ABCC1: variants seen among roughly 807,000 people sequenced by gnomAD.
The protein encoded by ABCC1 is ATP binding cassette subfamily C member 1 (ABCC1 blood group), also known as multidrug resistance-associated protein 1.
A neutral mutation model predicts 172.9 loss-of-function variants in ABCC1; 83 were observed. That is an observed-to-expected ratio of 0.48 (90% CI 0.40 to 0.58). The LOEUF is 0.58. Among genes scored for constraint, ABCC1 ranks in the 20% least tolerant of loss-of-function variants. ABCC1 has a pLI of 0.00. For synonymous variants in ABCC1, 937 were observed against 825.2 expected (o/e 1.14, Z -2.32); for missense variants, 1,817 against 2,002.7 (o/e 0.91, Z 1.77).
At chr16:16,027,156 T>C (rs141732048) in intron 5 of ABCC1, among the ~76,000 whole-genome samples, 44 of 152,230 alleles carry the variant, frequency 2.9e-4, no homozygotes, top group African/African-American at 9.6e-4. Context: ...AAGACTGTCA[T>C]TTGAGGCCTG....
chr16:16,140,297 C>G (rs2046079259), intron 30 of ABCC1, among the ~76,000 whole-genome samples: 1 of 152,076 alleles, frequency 6.6e-6, no homozygotes, highest in South Asian at 2.1e-4. Flanking sequence ...ACTCTAAGAG[C>G]CCTATAAAGC....
intron 5 of ABCC1, among the ~76,000 whole-genome samples, chr16:16,019,321 C>G (rs1056200572): frequency 5.3e-5 from 8 of 152,110 alleles, no homozygotes; most frequent in African/African-American, 1.9e-4. Flanking sequence ...CCCGGCTGGT[C>G]TCGAACTCCT....
intron 1 of ABCC1, among the ~76,000 whole-genome samples, chr16:15,984,536 A>G (rs1236745971): frequency 6.9e-6 from 1 of 145,724 alleles, no homozygotes; most frequent in East Asian, 2.0e-4. Context: ...TCCGCTTCCC[A>G]GTTTCAAGCG....
rs980483816 is a variant in ABCC1, at chr16:16,052,669, G to A, written c.1381-55G>A. 14 of 1,563,414 alleles carry A rather than the reference G, an allele frequency of 9.0e-6. No individual in the cohort carries two copies. In the African/African-American group the frequency reaches 9.5e-5, roughly 11 times the overall value. On this transcript the variant is annotated intron_variant, in intron 10 of 30. Coordinates refer to ENST00000399410, the MANE Select transcript of ABCC1 (RefSeq NM_004996.4). The stretch of plus-strand genomic sequence containing the variant: ...ATGGATCAACCGGGGAAGCTGTTAC[G>A]GGCCCTGTTTTCTTCTGTCTGGTGA...
rs185555818 is a variant in ABCC1, at chr16:16,115,971, C to T, written c.3390+895C>T. Among the ~76,000 whole-genome samples, 88 of 151,726 alleles carry T rather than the reference C, an allele frequency of 5.8e-4. No individual in the cohort carries two copies. The East Asian group carries it at 0.014, about 24-fold the overall frequency. On this transcript the variant is annotated intron_variant, in intron 23 of 30. Coordinates refer to ENST00000399410, the MANE Select transcript of ABCC1 (RefSeq NM_004996.4). ...AGGCTGGAGTGCAGTGGCGCGATCT[C>T]GGCTCACTGCAAGCTCCACCTCTCG...
chr16:16,121,163 A>G (rs2045138520), intron 23 of ABCC1, among the ~76,000 whole-genome samples: 1 of 152,104 alleles, frequency 6.6e-6, no homozygotes, highest in Non-Finnish European at 1.5e-5. Flanking sequence ...TCACCCTCAC[A>G]ATGACCCCGT....
intron 24 of ABCC1, among the ~76,000 whole-genome samples, chr16:16,123,615 G>A (rs992382116): frequency 2.0e-5 from 3 of 151,864 alleles, no homozygotes; most frequent in African/African-American, 4.8e-5. Context: ...CAACGAGAGC[G>A]AAACTCTATC....
chr16:16,005,708 A>G (rs1287304799), intron 1 of ABCC1, among the ~76,000 whole-genome samples: 15 of 152,298 alleles, frequency 9.8e-5, no homozygotes, highest in Admixed American at 6.5e-4. Flanking sequence ...TGTCATTCCA[A>G]CACTTTGGGA....
At position 16,061,772 on chromosome 16, in the gene ABCC1, CTTTTTTTTTT is replaced by C. The variant is rs201926082; in HGVS notation, c.1677+5487_1677+5496del. Among the ~76,000 whole-genome samples the C allele has an allele frequency of 5.3e-3, 611 of 116,222 alleles. 15 individuals are homozygous for C. The East Asian group carries it at 0.078, about 15-fold the overall frequency. The allele number at this position is 116,222 out of a possible 152,430, so 76.2% of individuals were successfully genotyped here. On this transcript the variant is annotated intron_variant, in intron 12 of 30. Transcript: ENST00000399410. ...AAAATGGCTTTTTTTTTCTTTTTTT[CTTTTTTTTTT>C]TTTTTTTTTGAGATGGGGTCTCACA...
intron 18 of ABCC1, among the ~76,000 whole-genome samples, chr16:16,088,520 G>C (rs781511454): frequency 3.9e-5 from 6 of 152,126 alleles, no homozygotes; most frequent in Non-Finnish European, 7.4e-5. Flanking sequence ...TCTTCTCTTA[G>C]AGAGCAAGGG....
At chr16:16,114,113 G>A (rs910271920) in intron 22 of ABCC1, among the ~76,000 whole-genome samples, 4 of 152,220 alleles carry the variant, frequency 2.6e-5, no homozygotes, top group African/African-American at 9.6e-5. Flanking sequence ...GGGATTAAGA[G>A]CAGGCTGTCT....
chr16:16,122,221 C>T (rs375050035), intron 24 of ABCC1, 47 bp downstream of exon 24: 10 of 1,594,862 alleles, frequency 6.3e-6, no homozygotes, highest in Non-Finnish European at 8.6e-6. Flanking sequence ...GCCGCCTTAG[C>T]ACCTTGTCTC....
chr16:16,061,757 T>C (rs948450934), intron 12 of ABCC1, among the ~76,000 whole-genome samples: 1 of 147,840 alleles, frequency 6.8e-6, no homozygotes, highest in East Asian at 2.0e-4. Flanking sequence ...AAAATGGCTT[T>C]TTTTTTCTTT....
chr16:16,053,888 A>G (rs1820771375), intron 11 of ABCC1, among the ~76,000 whole-genome samples: 1 of 150,952 alleles, frequency 6.6e-6, no homozygotes, highest in Non-Finnish European at 1.5e-5. Context: ...CTGCAAATAT[A>G]TAGAAGCAAA....
At chr16:16,056,408 G>C (rs1344748871) in intron 12 of ABCC1, 113 bp downstream of exon 12, 1 of 1,238,624 alleles carries the variant, frequency 8.1e-7, no homozygotes, top group African/African-American at 1.5e-5. Flanking sequence ...GCTCATGCTT[G>C]GTAATCCCAG....
At chr16:16,138,805 G>A (rs1258254939) in intron 30 of ABCC1, among the ~76,000 whole-genome samples, 1 of 151,260 alleles carries the variant, frequency 6.6e-6, no homozygotes, top group Non-Finnish European at 1.5e-5. Context: ...TGCCTCTGGG[G>A]TTCAAGCATT....
chr16:16,009,031 A>G (rs1041783659), intron 2 of ABCC1, among the ~76,000 whole-genome samples: 1 of 151,120 alleles, frequency 6.6e-6, no homozygotes, highest in East Asian at 2.0e-4. Context: ...GCATACTGCA[A>G]CCTTGAACTC....
chr16:16,026,822 C>T (rs1016193049), intron 5 of ABCC1, among the ~76,000 whole-genome samples: 1 of 152,024 alleles, frequency 6.6e-6, no homozygotes, highest in African/African-American at 2.4e-5. Context: ...GAGGCTGAGG[C>T]AGGAGAATTG....
At chr16:16,003,242 C>G (rs111438481) in intron 1 of ABCC1, among the ~76,000 whole-genome samples, 3 of 84,830 alleles carry the variant, frequency 3.5e-5, no homozygotes, top group African/African-American at 1.5e-4. Flanking sequence ...GATGAATGAA[C>G]TGGTGGGTTG....
Sources: allele counts gnomAD v4.1 joint callset (sites outside exome capture counted in the v4.1 genomes callset), GRCh38; gene constraint gnomAD v4.1.1; transcripts MANE v1.5; gene names NCBI Gene and HGNC (gene_info 2026-07-23, HGNC 2026-07-21).